Variants in GALNT2 observed in about 807,000 individuals in gnomAD.
The protein encoded by GALNT2 is UDP-GalNAc:polypeptide N-acetylgalactosaminyltransferase 2.
GALNT2 carries 31 observed loss-of-function variants against 81.4 expected under a neutral mutation model. The ratio of observed to expected loss-of-function variants is 0.38; its 90% CI spans 0.29 to 0.51. The LOEUF (loss-of-function observed/expected upper bound fraction) is 0.51. Ranked by LOEUF, GALNT2 falls within the 20% of genes least tolerant of loss-of-function variation. The probability of loss-of-function intolerance (pLI) is 0.87; values close to 1 mark genes in which losing one functional copy is unlikely to be tolerated. For missense variants in GALNT2, 629 were observed against 765.7 expected (o/e 0.82, Z 2.11); for synonymous variants, 303 against 287.4 (o/e 1.05, Z -0.55).
rs543369980 is a variant in GALNT2 at position 230,193,706 on chromosome 1, A to G, written c.221-9431A>G. On this transcript the variant is annotated intron_variant, in intron 2 of 15. Transcript: ENST00000366672. This position sits in a 1 kb window ranked among gnomAD's most constrained non-coding sequence, Gnocchi z 4.3. ...TATTTGAACAAGTCATCCAAATGCA[A>G]GTAGTCCCCTGATGACAAAAGCGTC... 5.9e-5 allele frequency among the ~76,000 whole-genome samples: 9 copies of G among 152,350 alleles called. No individual in the cohort carries two copies. The highest frequency in any genetic ancestry group is 2.1e-4 in the South Asian group (1 of 4,832).
chr1:230,078,962 C>T (rs1156933869), intron 1 of GALNT2, among the ~76,000 whole-genome samples: 2 of 152,222 alleles, frequency 1.3e-5, no homozygotes, highest in African/African-American at 4.8e-5. Context: ...GCATGAGCCA[C>T]TGCGTCCAGC....
At chr1:230,234,830 G>T (rs181092231) in intron 3 of GALNT2, among the ~76,000 whole-genome samples, 4 of 152,148 alleles carry the variant, frequency 2.6e-5, no homozygotes, top group African/African-American at 4.8e-5. Flanking sequence ...CCTCCTGATG[G>T]GTTCTGCTGA....
chr1:230,273,218 A>T (rs891533909), intron 14 of GALNT2, among the ~76,000 whole-genome samples: 4 of 152,224 alleles, frequency 2.6e-5, no homozygotes, highest in African/African-American at 9.6e-5. Flanking sequence ...CAGTGTCTTC[A>T]TAGCACATAA....
intron 1 of GALNT2, among the ~76,000 whole-genome samples, chr1:230,156,838 A>G (rs1221264059): frequency 6.6e-6 from 1 of 152,164 alleles, no homozygotes; most frequent in Admixed American, 6.5e-5. Flanking sequence ...TGTTGGGGAG[A>G]CAGATCCTCT....
chr1:230,274,370 C>A, intron 14 of GALNT2, 75 bp from the exon 15 acceptor site: 1 of 1,553,506 alleles, frequency 6.4e-7, no homozygotes. Flanking sequence ...CCTTTTTGAG[C>A]CCTCATCGAT....
At chr1:230,168,069 C>A (rs142085407) in intron 1 of GALNT2, among the ~76,000 whole-genome samples, 1 of 151,846 alleles carries the variant, frequency 6.6e-6, no homozygotes, top group African/African-American at 2.4e-5. Context: ...AAACCCAGAA[C>A]AAGAAGTGAG....
At chr1:230,234,519 GGACA>G (rs1159221180) in intron 3 of GALNT2, among the ~76,000 whole-genome samples, 1 of 152,152 alleles carries the variant, frequency 6.6e-6, no homozygotes, top group Non-Finnish European at 1.5e-5. Context: ...CCTTGGCATG[GGACA>G]GACAAACAGG....
chr1:230,110,416 G>A (rs1660666782), intron 1 of GALNT2, among the ~76,000 whole-genome samples: 1 of 152,214 alleles, frequency 6.6e-6, no homozygotes, highest in Admixed American at 6.5e-5. Context: ...ACTGTCACAT[G>A]AGGACAGGGC....
chr1:230,099,319 G>T (rs1660336149), intron 1 of GALNT2, among the ~76,000 whole-genome samples: 1 of 152,122 alleles, frequency 6.6e-6, no homozygotes, highest in African/African-American at 2.4e-5. Flanking sequence ...CAGAGTTTCC[G>T]AGTCCCGGGA....
Position 230,149,013 on chromosome 1 carries a change from T to C in GALNT2, c.127-29205T>C, listed in dbSNP as rs150498497. Among the ~76,000 whole-genome samples the C allele has an allele frequency of 1.1e-4, 17 of 152,160 alleles. No homozygotes were observed. The East Asian group carries it at 3.1e-3, about 28-fold the overall frequency. On this transcript the variant is annotated intron_variant, in intron 1 of 15. Transcript: ENST00000366672. ...CTCCTGCCTCAGCCATCTGACTAGC[T>C]GGGACCACAGGCACGTACCACCACG...
At chr1:230,169,505 A>T in intron 1 of GALNT2, among the ~76,000 whole-genome samples, 1 of 152,204 alleles carries the variant, frequency 6.6e-6, no homozygotes. Flanking sequence ...TGGCCATTTC[A>T]TCTGTGCGTA....
intron 1 of GALNT2, among the ~76,000 whole-genome samples, chr1:230,114,020 C>G (rs1015743614): frequency 2.0e-5 from 3 of 152,102 alleles, no homozygotes; most frequent in Non-Finnish European, 2.9e-5. Flanking sequence ...GAATGAAAAC[C>G]CTTGCGTTCC....
intron 1 of GALNT2, among the ~76,000 whole-genome samples, chr1:230,151,320 C>T (rs535066558): frequency 5.9e-5 from 9 of 152,292 alleles, no homozygotes; most frequent in East Asian, 1.9e-4. Context: ...CGCAGCACAG[C>T]GCTGCACACC....
chr1:230,164,197 C>T (rs555348359), intron 1 of GALNT2, among the ~76,000 whole-genome samples: 1 of 152,312 alleles, frequency 6.6e-6, no homozygotes, highest in East Asian at 1.9e-4. Context: ...AGGGTGGCAT[C>T]ACTGTTGCTG....
At chr1:230,099,736 C>T (rs1660348270) in intron 1 of GALNT2, among the ~76,000 whole-genome samples, 1 of 152,238 alleles carries the variant, frequency 6.6e-6, no homozygotes, top group Admixed American at 6.5e-5. Context: ...GCCCACCAGG[C>T]ATGCCCAGTG....
At chr1:230,090,720 A>G (rs951095376) in intron 1 of GALNT2, among the ~76,000 whole-genome samples, 3 of 152,256 alleles carry the variant, frequency 2.0e-5, no homozygotes, top group Non-Finnish European at 4.4e-5. Context: ...GTTTGCAGAA[A>G]TAGTTGAAGC....
At chr1:230,225,160 A>G (rs1244301946) in intron 3 of GALNT2, among the ~76,000 whole-genome samples, 1 of 152,228 alleles carries the variant, frequency 6.6e-6, no homozygotes, top group Non-Finnish European at 1.5e-5. Context: ...TTATGCCATT[A>G]TGACTGTTTG....
At chr1:230,234,567 TC>T (rs1340303881) in intron 3 of GALNT2, among the ~76,000 whole-genome samples, 4 of 152,190 alleles carry the variant, frequency 2.6e-5, no homozygotes, top group Admixed American at 6.5e-5. Flanking sequence ...AGACTGTTCA[TC>T]CTCAAGACCA....
chr1:230,236,955 T>C (rs1320528103), intron 6 of GALNT2, among the ~76,000 whole-genome samples: 1 of 152,248 alleles, frequency 6.6e-6, no homozygotes, highest in Non-Finnish European at 1.5e-5. Flanking sequence ...TTTTCATTTA[T>C]GTATTTAGAA....
Sources: gnomAD v4.1 joint callset for allele counts (sites outside exome capture counted in the v4.1 genomes callset) on GRCh38, gnomAD v4.1.1 for gene constraint, Gnocchi (gnomAD v3.1) non-coding constraint, MANE v1.5 for transcripts, NCBI Gene and HGNC (gene_info 2026-07-23, HGNC 2026-07-21) for gene names.